The following PPHLN1 variants were observed in gnomAD, a reference collection of about 807,000 sequenced individuals.
PPHLN1 encodes periphilin-1.
In PPHLN1, 29 loss-of-function variants were observed where a neutral mutation model predicts 51.3. The observed-to-expected ratio is 0.57, with a 90% confidence interval of 0.42 to 0.77. The LOEUF (loss-of-function observed/expected upper bound fraction) is 0.77, where lower values mean the gene tolerates loss of function less well. Among genes scored for constraint, PPHLN1 ranks in the 30% least tolerant of loss-of-function variants. The probability of loss-of-function intolerance (pLI) is 0.00; values close to 1 mark genes in which losing one functional copy is unlikely to be tolerated. For synonymous variants in PPHLN1, 147 were observed against 147.8 expected (o/e 0.99, Z 0.04); for missense variants, 436 against 438.4 (o/e 0.99, Z 0.05).
intron 5 of PPHLN1, among the ~76,000 whole-genome samples, chr12:42,376,019 A>G (rs934581908): frequency 6.6e-6 from 1 of 152,224 alleles, no homozygotes; most frequent in Non-Finnish European, 1.5e-5. Context: ...TGATACAATA[A>G]TTGATATGTC....
At chr12:42,354,185 C>T (rs1022567389) in intron 3 of PPHLN1, among the ~76,000 whole-genome samples, 13 of 152,046 alleles carry the variant, frequency 8.6e-5, no homozygotes, top group Admixed American at 1.3e-4. Context: ...TTTCCTGATA[C>T]GTAATTTGCA....
At chr12:42,443,157 C>G (rs1336440046), downstream of PPHLN1, 2 of 155,108 alleles carry the variant, frequency 1.3e-5, no homozygotes, top group South Asian at 2.0e-4. Context: ...TCAGTCCTGC[C>G]GTTACCAGAT....
intron 5 of PPHLN1, among the ~76,000 whole-genome samples, chr12:42,378,056 A>G (rs11835826): frequency 0.2 from 30,175 of 152,018 alleles, 3,399 homozygotes; most frequent in African/African-American, 0.3. Flanking sequence ...ATATGACTTT[A>G]TTAATGCCTG....
chr12:42,422,351 G>A (rs1365091808), intron 9 of PPHLN1, among the ~76,000 whole-genome samples: 1 of 152,152 alleles, frequency 6.6e-6, no homozygotes, highest in Non-Finnish European at 1.5e-5. Context: ...CTTTTTCCAG[G>A]ATGTGTTTAT....
chr12:42,431,526 C>A (rs991510250), intron 9 of PPHLN1: 2 of 555,396 alleles, frequency 3.6e-6, no homozygotes, highest in African/African-American at 3.8e-5. Context: ...ATTCAGGATC[C>A]CTCCCCTTTT....
intron 4 of PPHLN1, among the ~76,000 whole-genome samples, chr12:42,374,214 T>C (rs2076043836): frequency 6.6e-6 from 1 of 152,220 alleles, no homozygotes; most frequent in Non-Finnish European, 1.5e-5. Context: ...GGTAGCTGTG[T>C]GGTGTATTGT....
chr12:42,382,945 T>C (rs2076879738), intron 5 of PPHLN1, among the ~76,000 whole-genome samples: 1 of 152,150 alleles, frequency 6.6e-6, no homozygotes, highest in Non-Finnish European at 1.5e-5. Context: ...TATTATCTCT[T>C]GTTGTGTTAC....
rs71084642 is a variant in PPHLN1 at position 42,360,458 on chromosome 12, C to CTTTTTTTTTTTTTTTTTT, written c.299+5248_299+5265dup. 3.6e-4 allele frequency among the ~76,000 whole-genome samples: 20 copies of CTTTTTTTTTTTTTTTTTT among 56,292 alleles called. 2 individuals carry two copies. The highest frequency in any genetic ancestry group is 7.7e-4 in the Admixed American group (3 of 3,902). 36.9% of individuals were successfully genotyped at this position (56,292 alleles called of 152,430 possible). A position where few individuals can be genotyped will look rare whatever the true frequency, so the allele number is the denominator to read the frequency against. ...ACAGTTCCTGAAGTGATGCTGAATT[C>CTTTTTTTTTTTTTTTTTT]TTTTTTTTTTTTTTTTTTTTTTTTT... On this transcript the variant is annotated intron_variant, in intron 4 of 9. Transcript: ENST00000358314.
At chr12:42,337,094 G>C (rs1051546358) in intron 2 of PPHLN1, among the ~76,000 whole-genome samples, 4 of 152,030 alleles carry the variant, frequency 2.6e-5, no homozygotes, top group African/African-American at 9.7e-5. Context: ...TAGACTTCAT[G>C]TTTTCAATCA....
chr12:42,447,431 A>G (rs1248155974), downstream of PPHLN1: 2 of 152,206 alleles, frequency 1.3e-5, no homozygotes, highest in Admixed American at 6.5e-5. Flanking sequence ...GGCAGTTAGC[A>G]CAGCACAGCT....
intron 9 of PPHLN1, among the ~76,000 whole-genome samples, chr12:42,412,016 C>A (rs889071605): frequency 6.6e-6 from 1 of 151,686 alleles, no homozygotes; most frequent in African/African-American, 2.4e-5. Flanking sequence ...ACTACCCTGG[C>A]CAATATGGTG....
At chr12:42,426,513 A>T (rs552938189) in intron 9 of PPHLN1, among the ~76,000 whole-genome samples, 2 of 152,268 alleles carry the variant, frequency 1.3e-5, no homozygotes, top group South Asian at 2.1e-4. Context: ...CTATTTTTAT[A>T]AAAAAAGGCC....
At chr12:42,432,371 A>G in intron 9 of PPHLN1, 1 of 747,778 alleles carries the variant, frequency 1.3e-6, no homozygotes, top group Non-Finnish European at 2.5e-6. Flanking sequence ...TAGATAAGCA[A>G]TATGGTACTC....
chr12:42,338,031 C>A (rs182637717), intron 2 of PPHLN1, among the ~76,000 whole-genome samples: 5 of 151,926 alleles, frequency 3.3e-5, no homozygotes, highest in Admixed American at 6.6e-5. Flanking sequence ...TGATCCACCC[C>A]CCTCAGCCTC....
At chr12:42,368,876 C>T (rs994889174) in intron 4 of PPHLN1, among the ~76,000 whole-genome samples, 2 of 152,082 alleles carry the variant, frequency 1.3e-5, no homozygotes, top group African/African-American at 2.4e-5. Flanking sequence ...TGAAAAAGTC[C>T]GTACCTTTCT....
chr12:42,427,267 A>G (rs902377748), intron 9 of PPHLN1, among the ~76,000 whole-genome samples: 1 of 152,214 alleles, frequency 6.6e-6, no homozygotes, highest in Non-Finnish European at 1.5e-5. Context: ...CTTTTGTAAG[A>G]AATAGCTGTA....
At chr12:42,394,886 T>C (rs1276054826) in intron 8 of PPHLN1, among the ~76,000 whole-genome samples, 4 of 152,118 alleles carry the variant, frequency 2.6e-5, no homozygotes, top group Non-Finnish European at 5.9e-5. Flanking sequence ...TGCTTCAAAA[T>C]TGCTGCTTTG....
intron 4 of PPHLN1, chr12:42,361,670 A>G (rs2074703857): frequency 6.6e-6 from 1 of 152,224 alleles, no homozygotes; most frequent in Non-Finnish European, 1.5e-5. Context: ...TTGTGACAAT[A>G]TATGTAACAT....
chr12:42,372,912 C>T (rs1297529613), intron 4 of PPHLN1, among the ~76,000 whole-genome samples: 7 of 152,116 alleles, frequency 4.6e-5, no homozygotes, highest in Non-Finnish European at 1.0e-4. Context: ...CTTGGCATCC[C>T]GTCTTTCACA....
Sources: allele counts gnomAD v4.1 joint callset (sites outside exome capture counted in the v4.1 genomes callset), GRCh38; gene constraint gnomAD v4.1.1; transcripts MANE v1.5; gene names NCBI Gene and HGNC (gene_info 2026-07-23, HGNC 2026-07-21).